The following RAP1GDS1 variants were observed in gnomAD, a reference collection of about 807,000 sequenced individuals.
RAP1GDS1 encodes the protein RAP1, GTP-GDP dissociation stimulator 1.
In RAP1GDS1, 35 loss-of-function variants were observed where a neutral mutation model predicts 71.1. That is an observed-to-expected ratio of 0.49 (90% confidence interval 0.38 to 0.65). The LOEUF (loss-of-function observed/expected upper bound fraction) is 0.65. RAP1GDS1 is among the 30% of genes least tolerant of loss of function. The probability of loss-of-function intolerance (pLI) is 0.00; values close to 1 mark genes in which losing one functional copy is unlikely to be tolerated. For synonymous variants in RAP1GDS1, 229 were observed against 243.1 expected (o/e 0.94, Z 0.54); for missense variants, 663 against 706.1 (o/e 0.94, Z 0.69).
At chr4:98,316,103 T>C (rs1178540138) in intron 2 of RAP1GDS1, among the ~76,000 whole-genome samples, 1 of 152,168 alleles carries the variant, frequency 6.6e-6, no homozygotes, top group Non-Finnish European at 1.5e-5. Context: ...GCAAAGTATA[T>C]GGCTAGATTC....
At chr4:98,327,546 T>C (rs1465923696) in intron 2 of RAP1GDS1, among the ~76,000 whole-genome samples, 2 of 152,248 alleles carry the variant, frequency 1.3e-5, no homozygotes, top group Non-Finnish European at 2.9e-5. Flanking sequence ...TCATAGCCTT[T>C]CCTGACTCTG....
chr4:98,310,596 T>G (rs1434871688), intron 2 of RAP1GDS1, among the ~76,000 whole-genome samples: 1 of 152,200 alleles, frequency 6.6e-6, no homozygotes, highest in Non-Finnish European at 1.5e-5. Flanking sequence ...AAGTACTGCA[T>G]GTAAAGCAGA....
intron 7 of RAP1GDS1, among the ~76,000 whole-genome samples, chr4:98,410,981 A>C (rs1353169078): frequency 6.6e-6 from 1 of 152,188 alleles, no homozygotes; most frequent in Non-Finnish European, 1.5e-5. Flanking sequence ...TGATAGATAC[A>C]TGGTTATTTG....
At chr4:98,363,753 G>A (rs1361425525) in intron 4 of RAP1GDS1, among the ~76,000 whole-genome samples, 1 of 152,096 alleles carries the variant, frequency 6.6e-6, no homozygotes, top group Non-Finnish European at 1.5e-5. Flanking sequence ...AAAAGGAGTT[G>A]AGAAGCATGG....
intron 12 of RAP1GDS1, among the ~76,000 whole-genome samples, chr4:98,432,081 G>A (rs1229623167): frequency 7.2e-5 from 11 of 151,928 alleles, no homozygotes; most frequent in African/African-American, 1.2e-4. Context: ...ATCCCTCCCC[G>A]CTCCCCCCAT....
intron 2 of RAP1GDS1, among the ~76,000 whole-genome samples, chr4:98,319,101 A>C (rs1731383027): frequency 6.6e-6 from 1 of 152,196 alleles, no homozygotes. Context: ...AATTTTTGTC[A>C]AAATATTAAA....
chr4:98,388,266 A>G (rs1743062272), intron 5 of RAP1GDS1, among the ~76,000 whole-genome samples: 1 of 152,200 alleles, frequency 6.6e-6, no homozygotes, highest in African/African-American at 2.4e-5. Context: ...ATGAGATGTT[A>G]GGAGCTTTAT....
intron 6 of RAP1GDS1, among the ~76,000 whole-genome samples, chr4:98,397,171 A>G (rs1484905059): frequency 6.6e-6 from 1 of 152,194 alleles, no homozygotes; most frequent in African/African-American, 2.4e-5. Flanking sequence ...CTTTAATATA[A>G]CCATGGAATT....
chr4:98,436,558 A>T (rs899259575), intron 13 of RAP1GDS1, among the ~76,000 whole-genome samples: 7 of 152,200 alleles, frequency 4.6e-5, no homozygotes, highest in Non-Finnish European at 1.5e-5. Context: ...GCTCCAAAAT[A>T]ATTTGAGATG....
intron 14 of RAP1GDS1, chr4:98,441,626 G>A (rs1283970380): frequency 3.4e-5 from 33 of 983,326 alleles, no homozygotes; most frequent in Non-Finnish European, 4.0e-5. Context: ...GCAAGTAGCT[G>A]TGCAGTGGCT....
chr4:98,379,905 G>C (rs186018937), intron 5 of RAP1GDS1, among the ~76,000 whole-genome samples: 83 of 151,864 alleles, frequency 5.5e-4, no homozygotes, highest in African/African-American at 2.0e-3. Context: ...TCTGTGGTTT[G>C]TTTCATAATG....
chr4:98,396,353 G>C (rs1042502212), intron 6 of RAP1GDS1: 3 of 152,202 alleles, frequency 2.0e-5, no homozygotes, highest in African/African-American at 7.2e-5. Context: ...GAGAAAAGAG[G>C]TAAGTAAAGA....
chr4:98,280,404 C>CT (rs1724900523), intron 1 of RAP1GDS1, among the ~76,000 whole-genome samples: 1 of 152,112 alleles, frequency 6.6e-6, no homozygotes. Context: ...GCATAAATGT[C>CT]TTCTTTTGAG....
At chr4:98,330,769 C>G (rs1374918097) in intron 2 of RAP1GDS1, among the ~76,000 whole-genome samples, 1 of 151,530 alleles carries the variant, frequency 6.6e-6, no homozygotes, top group Non-Finnish European at 1.5e-5. Context: ...TCCTCACTTC[C>G]TAGATGGGGT....
intron 2 of RAP1GDS1, among the ~76,000 whole-genome samples, chr4:98,324,596 G>A (rs1732622854): frequency 6.9e-6 from 1 of 145,064 alleles, no homozygotes; most frequent in Admixed American, 6.9e-5. Context: ...GAACAGAACA[G>A]AGCCCTCAGA....
chr4:98,293,926 AT>A, intron 2 of RAP1GDS1, among the ~76,000 whole-genome samples: 1 of 152,034 alleles, frequency 6.6e-6, no homozygotes, highest in East Asian at 1.9e-4. Context: ...AACACTTAAC[AT>A]TTTTTTGGAA....
intron 2 of RAP1GDS1, among the ~76,000 whole-genome samples, chr4:98,339,840 G>A (rs942333925): frequency 5.3e-5 from 8 of 152,184 alleles, no homozygotes; most frequent in African/African-American, 1.9e-4. Flanking sequence ...GCAGAGAAAA[G>A]GGAATGCTTA....
chr4:98,417,367 A>T lies in RAP1GDS1; in HGVS notation c.908A>T (p.Asp303Val). 3 of 1,610,372 alleles carry T rather than the reference A, an allele frequency of 1.9e-6. No homozygotes were observed. The highest frequency in any genetic ancestry group is 2.5e-6 in the Non-Finnish European group (3 of 1,177,702). ...AACTATTCGTTTCATTTACCTCCAGATGAATCCATGCAGAAGTTATTTGAA... is the reference window on the plus strand; with the variant it reads ...AACTATTCGTTTCATTTACCTCCAGTTGAATCCATGCAGAAGTTATTTGAA... The part of the protein sequence containing the change: ...SDLMVLLLLG[D>V]ESMQKLFEGG... The change falls in exon 9 of 15, where the codon GAT (aspartate) becomes GTT (valine). Residue 303 changes from aspartate (D) to valine (V), a missense_variant and splice_region_variant. Transcript: ENST00000408927.
intron 4 of RAP1GDS1, among the ~76,000 whole-genome samples, chr4:98,377,723 C>T (rs1741367493): frequency 6.6e-6 from 1 of 151,282 alleles, no homozygotes; most frequent in South Asian, 2.1e-4. Context: ...AAGATGTGAC[C>T]TTAGTTTCAG....
Sources: allele counts gnomAD v4.1 joint callset (sites outside exome capture counted in the v4.1 genomes callset), GRCh38; gene constraint gnomAD v4.1.1; transcripts MANE v1.5; gene names NCBI Gene and HGNC (gene_info 2026-07-23, HGNC 2026-07-21).